PCMTD1: variants seen among roughly 807,000 people sequenced by gnomAD.
PCMTD1 encodes protein-L-isoaspartate O-methyltransferase domain-containing protein 1.
A neutral mutation model predicts 37.6 loss-of-function variants in PCMTD1; 12 were observed. The ratio of observed to expected loss-of-function variants is 0.32; its 90% CI spans 0.20 to 0.52. The LOEUF is 0.52. Ranked by LOEUF, PCMTD1 falls within the 20% of genes least tolerant of loss-of-function variation. The probability of loss-of-function intolerance (pLI) is 0.97; values close to 1 mark genes in which losing one functional copy is unlikely to be tolerated. For missense variants in PCMTD1, 235 were observed against 421.3 expected, an observed-to-expected ratio of 0.56 and a Z score of 3.87; for synonymous variants, 117 against 135.8, an observed-to-expected ratio of 0.86 and a Z score of 0.96.
At chr8:51,885,274 T>A (rs781611603) in intron 1 of PCMTD1, among the ~76,000 whole-genome samples, 9 of 152,180 alleles carry the variant, frequency 5.9e-5, no homozygotes, top group Non-Finnish European at 1.3e-4. Flanking sequence ...GCGGGGAGGA[T>A]ATCTTCGCTT....
intron 1 of PCMTD1, among the ~76,000 whole-genome samples, chr8:51,867,008 A>G (rs2038564595): frequency 6.6e-6 from 1 of 152,094 alleles, no homozygotes; most frequent in South Asian, 2.1e-4. Context: ...ACTCAACTGA[A>G]TAGCAAGAAA....
At chr8:51,886,862 T>C (rs9792352) in intron 1 of PCMTD1, among the ~76,000 whole-genome samples, 17,874 of 152,174 alleles carry the variant, frequency 0.12, 1,285 homozygotes, top group East Asian at 0.17. Flanking sequence ...ATGATACAAG[T>C]CTCACTGGGT....
chr8:51,879,268 A>T (rs191442033), intron 1 of PCMTD1, among the ~76,000 whole-genome samples: 256 of 152,328 alleles, frequency 1.7e-3, no homozygotes, highest in Non-Finnish European at 3.0e-3. Context: ...AATGAATGTC[A>T]TATTGTTATT....
rs151060907 is a variant in PCMTD1 at position 51,863,268 on chromosome 8, T to A, written c.-95-2022A>T. Among the ~76,000 whole-genome samples, 77 of 152,278 alleles carry A rather than the reference T, an allele frequency of 5.1e-4. 1 individual carries two copies. The East Asian group carries it at 0.014, about 29-fold the overall frequency. ...TTACTAAAAAATTATTCCCTTTGAGTGGGCTCTAGGGCTTAAGAAGAATGA... is the reference window on the plus strand; with the variant it reads ...TTACTAAAAAATTATTCCCTTTGAGAGGGCTCTAGGGCTTAAGAAGAATGA... On this transcript the variant is annotated intron_variant, in intron 1 of 5. Transcript: ENST00000522514.
intron 1 of PCMTD1, among the ~76,000 whole-genome samples, chr8:51,893,795 T>C (rs775698070): frequency 1.5e-4 from 23 of 152,226 alleles, no homozygotes; most frequent in East Asian, 5.8e-4. Context: ...AATTAAAAAC[T>C]CAAACAAGCT....
intron 2 of PCMTD1, among the ~76,000 whole-genome samples, chr8:51,848,620 T>C (rs1488117307): frequency 2.6e-5 from 4 of 152,146 alleles, no homozygotes. Flanking sequence ...GTGTCAACTT[T>C]TGCAAATAAG....
intron 1 of PCMTD1, among the ~76,000 whole-genome samples, chr8:51,891,683 T>C (rs980182506): frequency 7.0e-5 from 7 of 100,252 alleles, no homozygotes; most frequent in Non-Finnish European, 1.7e-4. Flanking sequence ...AAAATATATA[T>C]ATACATATAT....
rs573296976 is a variant in PCMTD1, at chr8:51,822,807, G to T, written c.707-2089C>A. Among the ~76,000 whole-genome samples, 3 of 152,262 alleles carry T rather than the reference G, an allele frequency of 2.0e-5. No individual in the cohort carries two copies. In the South Asian group the frequency reaches 6.2e-4, roughly 32 times the overall value. ...AAGCACCCAGAACTAAGCCTGAGAG[G>T]GCTCTGTAAAGGGACAGAGTGAAGA... On this transcript the variant is annotated intron_variant, in intron 5 of 5. Transcript: ENST00000522514.
At chr8:51,835,519 T>C (rs945641436) in intron 3 of PCMTD1, among the ~76,000 whole-genome samples, 1 of 152,210 alleles carries the variant, frequency 6.6e-6, no homozygotes, top group Non-Finnish European at 1.5e-5. Context: ...AATCATCTTA[T>C]CAAATTCACA....
intron 1 of PCMTD1, among the ~76,000 whole-genome samples, chr8:51,891,743 T>TA (rs2038939764): frequency 6.7e-6 from 1 of 149,362 alleles, no homozygotes; most frequent in Non-Finnish European, 1.5e-5. Flanking sequence ...TCTGTAGAAA[T>TA]AACCTGATAA....
chr8:51,857,924 C>T (rs149276954), intron 2 of PCMTD1, among the ~76,000 whole-genome samples: 32 of 152,152 alleles, frequency 2.1e-4, no homozygotes, highest in African/African-American at 7.7e-4. Flanking sequence ...CCCAGTAGGT[C>T]GAAGCTGCAG....
Position 51,820,732 on chromosome 8 carries a change from T to C in PCMTD1, c.707-14A>G, listed in dbSNP as rs749270088. On this transcript the variant is annotated splice_polypyrimidine_tract_variant and intron_variant, in intron 5 of 5. Transcript: ENST00000522514. Reference sequence around the variant, plus strand: ...CAGCACAGGGAGCTAAAAACAAACATAAAACGCAAGAAAGAAAATATTAAC... The same window carrying C: ...CAGCACAGGGAGCTAAAAACAAACACAAAACGCAAGAAAGAAAATATTAAC... 1.9e-6 allele frequency: 3 copies of C among 1,570,934 alleles called. No homozygotes were observed. The highest frequency in any genetic ancestry group is 2.0e-5 in the Admixed American group (1 of 49,212).
chr8:51,826,621 T>C (rs1186202808), intron 5 of PCMTD1, among the ~76,000 whole-genome samples: 1 of 152,182 alleles, frequency 6.6e-6, no homozygotes, highest in Non-Finnish European at 1.5e-5. Flanking sequence ...TGTATGTAGA[T>C]TGTATAGGAG....
intron 1 of PCMTD1, among the ~76,000 whole-genome samples, chr8:51,887,456 A>G (rs1185520974): frequency 6.6e-6 from 1 of 152,212 alleles, no homozygotes; most frequent in East Asian, 1.9e-4. Context: ...ATTACTTGAC[A>G]GACTTGGAAT....
intron 1 of PCMTD1, among the ~76,000 whole-genome samples, chr8:51,892,951 T>G (rs4873617): frequency 0.69 from 104,578 of 152,202 alleles, 42,384 homozygotes; most frequent in Non-Finnish European, 0.9. Flanking sequence ...AGTTTATATA[T>G]TTTTTGTATC....
intron 5 of PCMTD1, chr8:51,826,976 T>C (rs527421111): frequency 2.3e-4 from 215 of 929,036 alleles, no homozygotes; most frequent in Non-Finnish European, 2.7e-4. Flanking sequence ...TACTACAAGA[T>C]ACATTTGGCA....
At chr8:51,824,596 A>C (rs1184710888) in intron 5 of PCMTD1, among the ~76,000 whole-genome samples, 2 of 152,224 alleles carry the variant, frequency 1.3e-5, no homozygotes, top group Non-Finnish European at 2.9e-5. Context: ...AGGAAGAATC[A>C]ATATCATGAA....
intron 2 of PCMTD1, among the ~76,000 whole-genome samples, chr8:51,854,011 G>A (rs1383693507): frequency 6.6e-6 from 1 of 152,186 alleles, no homozygotes; most frequent in African/African-American, 2.4e-5. Context: ...GACAAAATTT[G>A]CAAATAGTAA....
chr8:51,828,954 C>T (rs1050493698), intron 5 of PCMTD1, among the ~76,000 whole-genome samples: 1 of 152,100 alleles, frequency 6.6e-6, no homozygotes, highest in Non-Finnish European at 1.5e-5. Flanking sequence ...TTTTATCATT[C>T]TTATTTTACC....
Sources: gnomAD v4.1 joint callset for allele counts (sites outside exome capture counted in the v4.1 genomes callset) on GRCh38, gnomAD v4.1.1 for gene constraint, MANE v1.5 for transcripts, NCBI Gene and HGNC (gene_info 2026-07-23, HGNC 2026-07-21) for gene names.